The following ZNF385D variants were observed in gnomAD, a reference collection of about 807,000 sequenced individuals.
The protein encoded by ZNF385D is zinc finger protein 659.
In ZNF385D, 15 loss-of-function variants were observed where a neutral mutation model predicts 35.8. That is an observed-to-expected ratio of 0.42 (90% CI 0.28 to 0.64). ZNF385D has a LOEUF of 0.64. Among genes scored for constraint, ZNF385D ranks in the 30% least tolerant of loss-of-function variants. ZNF385D has a pLI of 0.23. For missense variants in ZNF385D, 474 were observed against 494.6 expected (o/e 0.96, Z 0.39); for synonymous variants, 212 against 186.8 (o/e 1.13, Z -1.10).
chr3:21,547,446 C>A (rs1214277430), intron 3 of ZNF385D, among the ~76,000 whole-genome samples: 1 of 151,814 alleles, frequency 6.6e-6, no homozygotes, highest in Admixed American at 6.6e-5. Flanking sequence ...AAACTCCAAA[C>A]AGTCATTCAA....
In ZNF385D at chr3:21,657,674, G is replaced by A. The variant is rs78911951; in HGVS notation, c.165+7212C>T. Among the ~76,000 whole-genome samples, 707 of 150,722 alleles carry A rather than the reference G, an allele frequency of 4.7e-3. 4 individuals carry two copies. Among genetic ancestry groups the A allele is most frequent in the African/African-American group, 0.017 (685 of 40,964 alleles). On this transcript the variant is annotated intron_variant, in intron 2 of 7. Coordinates refer to ENST00000281523, the MANE Select transcript of ZNF385D (RefSeq NM_024697.3). ...CCTGAAAAGTTTCCACTTATCTACC[G>A]CTTCTGTCTAAGAAAGACAGGCTTT...
chr3:22,106,640 G>A (rs748658553), intron 3 of ZNF385D, among the ~76,000 whole-genome samples: 7 of 152,092 alleles, frequency 4.6e-5, no homozygotes, highest in African/African-American at 1.2e-4. Flanking sequence ...AAGCCAAGCC[G>A]TCAACCTGAG....
chr3:21,736,877 T>C (rs528400175), intron 1 of ZNF385D, among the ~76,000 whole-genome samples: 100 of 152,330 alleles, frequency 6.6e-4, no homozygotes, highest in African/African-American at 2.2e-3. Flanking sequence ...CAATAAAAAA[T>C]TTCCATAGGG....
rs929263908 is a variant in ZNF385D, at chr3:21,919,617, T to G, written c.325+249200A>C. 2.4e-4 allele frequency among the ~76,000 whole-genome samples: 36 copies of G among 152,230 alleles called. 1 individual carries two copies. The highest frequency in any genetic ancestry group is 1.9e-4 in the Non-Finnish European group (13 of 68,036). ...TGATTCACATGCATATTAAAAGCTC[T>G]GATAATTGCTGCAGGCAGACTAGAA... On this transcript the variant is annotated intron_variant, in intron 3 of 5. Transcript: ENST00000494108.
intron 2 of ZNF385D, among the ~76,000 whole-genome samples, chr3:22,351,149 G>A (rs1266605296): frequency 6.6e-6 from 1 of 152,048 alleles, no homozygotes; most frequent in African/African-American, 2.4e-5. Context: ...CAATTAGCCT[G>A]ATAAAATAAC....
At chr3:22,304,553 T>C (rs566316888) in intron 2 of ZNF385D, among the ~76,000 whole-genome samples, 73 of 152,330 alleles carry the variant, frequency 4.8e-4, no homozygotes, top group Non-Finnish European at 5.4e-4. Flanking sequence ...ATTTGAAATA[T>C]TTTTAATATC....
intron 3 of ZNF385D, among the ~76,000 whole-genome samples, chr3:21,901,376 T>C (rs965177194): frequency 6.6e-6 from 1 of 152,152 alleles, no homozygotes; most frequent in East Asian, 1.9e-4. Flanking sequence ...TGGAAGCATA[T>C]AGAAAGCTGA....
intron 3 of ZNF385D, among the ~76,000 whole-genome samples, chr3:22,046,714 A>C (rs773993644): frequency 6.6e-6 from 1 of 152,170 alleles, no homozygotes; most frequent in Non-Finnish European, 1.5e-5. Flanking sequence ...GATTCTCACT[A>C]AACTAGGTAG....
intron 2 of ZNF385D, among the ~76,000 whole-genome samples, chr3:22,208,134 C>T (rs1697276190): frequency 6.6e-6 from 1 of 151,884 alleles, no homozygotes; most frequent in Non-Finnish European, 1.5e-5. Context: ...AAATAACATG[C>T]TGCTCACATT....
intron 2 of ZNF385D, among the ~76,000 whole-genome samples, chr3:21,645,567 T>A (rs1045107852): frequency 2.0e-5 from 3 of 152,132 alleles, no homozygotes; most frequent in African/African-American, 7.2e-5. Context: ...TTGAGAAAAA[T>A]AGAGTTGGTA....
chr3:21,602,415 C>A (rs975128846), intron 2 of ZNF385D, among the ~76,000 whole-genome samples: 1 of 151,146 alleles, frequency 6.6e-6, no homozygotes, highest in African/African-American at 2.4e-5. Flanking sequence ...GCACATAGAA[C>A]TCTTATTTTA....
rs55872870 is a variant in ZNF385D at position 21,681,298 on chromosome 3, T to TAAAAAAAAAAAAAAAAAAAAAAAAAAA, written c.23-16271_23-16270insTTTTTTTTTTTTTTTTTTTTTTTTTTT. On this transcript the variant is annotated intron_variant, in intron 1 of 7. Transcript: ENST00000281523. Reference sequence around the variant, plus strand: ...AGCCTATGTGAATATATTCCATCAGTAAAAAAAAAAAAAAAAAAAAAAAAA... The same window carrying TAAAAAAAAAAAAAAAAAAAAAAAAAAA: ...AGCCTATGTGAATATATTCCATCAGTAAAAAAAAAAAAAAAAAAAAAAAAAAAAAAAAAAAAAAAAAAAAAAAAAAAA... Among the ~76,000 whole-genome samples, 3 of 64,486 alleles carry TAAAAAAAAAAAAAAAAAAAAAAAAAAA rather than the reference T, an allele frequency of 4.7e-5. 1 individual carries two copies. Among genetic ancestry groups the TAAAAAAAAAAAAAAAAAAAAAAAAAAA allele is most frequent in the East Asian group, 5.5e-4 (1 of 1,818 alleles). 42.3% of individuals were successfully genotyped at this position (64,486 alleles called of 152,430 possible). A position where few individuals can be genotyped will look rare whatever the true frequency, so the allele number is the denominator to read the frequency against.
rs866516132 is a variant in ZNF385D, at chr3:22,138,514, A to G, written c.325+30303T>C. 9.5e-3 allele frequency among the ~76,000 whole-genome samples: 1,437 copies of G among 151,796 alleles called. 7 individuals carry two copies. Among genetic ancestry groups the G allele is most frequent in the Non-Finnish European group, 0.014 (944 of 67,936 alleles). On this transcript the variant is annotated intron_variant, in intron 3 of 5. Transcript: ENST00000494108. ...ACAGAGCCCTCAGAAATAATGCCACATATCTACAACTATCTGATCTTTGAC... is the reference window on the plus strand; with the variant it reads ...ACAGAGCCCTCAGAAATAATGCCACGTATCTACAACTATCTGATCTTTGAC...
intron 3 of ZNF385D, among the ~76,000 whole-genome samples, chr3:22,068,558 C>T (rs899939410): frequency 5.3e-5 from 8 of 152,294 alleles, no homozygotes; most frequent in African/African-American, 1.7e-4. Flanking sequence ...TTTCTCCTAG[C>T]AGTTGGATCT....
At chr3:22,064,912 A>T (rs1180703404) in intron 3 of ZNF385D, among the ~76,000 whole-genome samples, 1 of 152,238 alleles carries the variant, frequency 6.6e-6, no homozygotes, top group African/African-American at 2.4e-5. Context: ...TATATTTAAA[A>T]AAATGTTTTC....
At chr3:21,847,948 A>G (rs1380838604) in intron 3 of ZNF385D, among the ~76,000 whole-genome samples, 1 of 151,944 alleles carries the variant, frequency 6.6e-6, no homozygotes, top group African/African-American at 2.4e-5. Flanking sequence ...TTCATCTTGT[A>G]TATCTCAATT....
chr3:22,368,155 A>C (rs1476833644), intron 2 of ZNF385D, among the ~76,000 whole-genome samples: 2 of 152,180 alleles, frequency 1.3e-5, no homozygotes, highest in Non-Finnish European at 2.9e-5. Context: ...AATTAAACAC[A>C]TGTTAGGATG....
chr3:21,826,810 A>C lies in ZNF385D; in HGVS notation c.326-161782T>G, dbSNP rs940353180. Among the ~76,000 whole-genome samples, 4 of 111,682 alleles carry C rather than the reference A, an allele frequency of 3.6e-5. No homozygotes were observed. The East Asian group carries it at 1.0e-3, about 29-fold the overall frequency. 73.3% of individuals were successfully genotyped at this position (111,682 alleles called of 152,430 possible). ...AGAAAACATTGGAGGGTTGATAAAG[A>C]ATCAGAAAATTAAAAAAAAAAAAAA... On this transcript the variant is annotated intron_variant, in intron 3 of 5. Transcript: ENST00000494108.
chr3:21,739,863 T>C (rs2069426411), intron 1 of ZNF385D, among the ~76,000 whole-genome samples: 1 of 152,174 alleles, frequency 6.6e-6, no homozygotes, highest in Admixed American at 6.5e-5. Flanking sequence ...GTGACAGTGT[T>C]TCCAGTGCTT....
Sources: allele counts gnomAD v4.1 joint callset (sites outside exome capture counted in the v4.1 genomes callset), GRCh38; gene constraint gnomAD v4.1.1; transcripts MANE v1.5; gene names NCBI Gene and HGNC (gene_info 2026-07-23, HGNC 2026-07-21).